HEATR5A: variants seen among roughly 807,000 people sequenced by gnomAD.
HEATR5A encodes HEAT repeat-containing protein 5A.
In HEATR5A, 178 loss-of-function variants were observed where a neutral mutation model predicts 218.8. That is an observed-to-expected ratio of 0.81 (90% CI 0.72 to 0.92). The LOEUF is 0.92. Ranked by LOEUF, HEATR5A falls within the 40% of genes least tolerant of loss-of-function variation. The pLI is 0.00. For synonymous variants in HEATR5A, 864 were observed against 871.6 expected (o/e 0.99, Z 0.15); for missense variants, 2,420 against 2,418.9 (o/e 1.00, Z -0.01).
chr14:31,328,496 G>C (rs1253622102), intron 22 of HEATR5A, among the ~76,000 whole-genome samples: 1 of 152,050 alleles, frequency 6.6e-6, no homozygotes, highest in Non-Finnish European at 1.5e-5. Context: ...GATTTTCTTA[G>C]GTGTGTGATC....
chr14:31,383,486 A>T lies in HEATR5A; in HGVS notation c.1596+35T>A, dbSNP rs1393483355. The T allele has an allele frequency of 1.9e-6, 3 of 1,560,280 alleles. No individual in the cohort carries two copies. The African/African-American group carries it at 4.1e-5, about 21-fold the overall frequency. On this transcript the variant is annotated intron_variant, in intron 10 of 35. Transcript: ENST00000543095. Reference sequence around the variant, plus strand: ...TGTGAAGATACTTCTAACAAAAAGCACCTCATTATCATACATAGAGAATGA... The same window carrying T: ...TGTGAAGATACTTCTAACAAAAAGCTCCTCATTATCATACATAGAGAATGA...
chr14:31,398,422 T>C (rs948541541), intron 4 of HEATR5A, among the ~76,000 whole-genome samples: 5 of 152,198 alleles, frequency 3.3e-5, no homozygotes, highest in African/African-American at 9.6e-5. Flanking sequence ...GGACTGTAAG[T>C]GGAATACGTT....
At position 31,388,867 on chromosome 14, in the gene HEATR5A, T is replaced by C. The variant is rs191067821; in HGVS notation, c.911A>G (p.Asp304Gly). The change falls in exon 7 of 36, where the codon GAT becomes GGT. Residue 304 changes from aspartate (D) to glycine (G), a missense_variant. Coordinates refer to ENST00000543095, the MANE Select transcript of HEATR5A (RefSeq NM_015473.4). ...AACCTGAGTAACTCCAACTCGAACATCCCTACTGACTGAACTGGTTCCTTT... is the reference window on the plus strand; with the variant it reads ...AACCTGAGTAACTCCAACTCGAACACCCCTACTGACTGAACTGGTTCCTTT... ...MLKGTSSVSRDVRVGVTQAYV... is the reference protein window; with the variant it reads ...MLKGTSSVSRGVRVGVTQAYV... 830 of 1,613,862 alleles carry C rather than the reference T, an allele frequency of 5.1e-4. 5 individuals are homozygous for C. The Middle Eastern group carries it at 0.012, about 23-fold the overall frequency.
chr14:31,304,061 T>A (rs368589506), intron 32 of HEATR5A, among the ~76,000 whole-genome samples: 145 of 151,586 alleles, frequency 9.6e-4, no homozygotes, highest in Middle Eastern at 3.4e-3. Flanking sequence ...AAAAAAAAAA[T>A]TAGCCAGGTA....
rs141295172 is a variant in HEATR5A, at chr14:31,352,309, T to C, written c.2412-1592A>G. Among the ~76,000 whole-genome samples the C allele has an allele frequency of 4.5e-3, 692 of 152,298 alleles. 2 individuals carry two copies. Among genetic ancestry groups the C allele is most frequent in the Non-Finnish European group, 5.3e-3 (358 of 68,030 alleles). On this transcript the variant is annotated intron_variant, in intron 16 of 35. Coordinates refer to ENST00000543095, the MANE Select transcript of HEATR5A (RefSeq NM_015473.4). ...TCTCCCTAATATCTTGTGTTTGGCA[T>C]GTAGTAGGCAGTCAGGTGTGCTTAT... is the stretch of plus-strand genomic sequence containing the variant.
chr14:31,359,114 G>A, intron 14 of HEATR5A, 57 bp from the exon 15 acceptor site: 1 of 1,527,050 alleles, frequency 6.5e-7, no homozygotes. Flanking sequence ...TGAGAGTATG[G>A]GATTTAAAAC....
chr14:31,414,741 G>A (rs2031389892), intron 1 of HEATR5A, among the ~76,000 whole-genome samples: 1 of 152,134 alleles, frequency 6.6e-6, no homozygotes, highest in Non-Finnish European at 1.5e-5. Flanking sequence ...AATTGTTCAT[G>A]TCTCTTACAT....
chr14:31,391,876 C>T (rs781700544), intron 6 of HEATR5A, among the ~76,000 whole-genome samples: 2 of 152,116 alleles, frequency 1.3e-5, no homozygotes, highest in Non-Finnish European at 2.9e-5. Context: ...TACCATATAG[C>T]CTAGTGTGCA....
intron 21 of HEATR5A, among the ~76,000 whole-genome samples, chr14:31,341,346 C>A (rs1259243644): frequency 6.6e-6 from 1 of 151,448 alleles, no homozygotes; most frequent in East Asian, 1.9e-4. Flanking sequence ...TAAATATGTA[C>A]CCTTTTTTGA....
intron 4 of HEATR5A, among the ~76,000 whole-genome samples, chr14:31,396,649 C>T (rs2030665522): frequency 1.3e-5 from 2 of 152,086 alleles, no homozygotes; most frequent in South Asian, 4.1e-4. Flanking sequence ...CATAGGTGAA[C>T]ATAATAAAAT....
Position 31,307,918 on chromosome 14 carries a change from G to A in HEATR5A, c.4793C>T (p.Pro1598Leu). 1.2e-6 allele frequency: 2 copies of A among 1,613,396 alleles called. No homozygotes were observed. The highest frequency in any genetic ancestry group is 1.7e-6 in the Non-Finnish European group (2 of 1,179,730). Residue 1598 changes from proline (P) to leucine (L), a missense_variant, in exon 30 of 36, where the codon CCC (proline) becomes CTC (leucine). Coordinates refer to ENST00000543095, the MANE Select transcript of HEATR5A (RefSeq NM_015473.4). Reference sequence around the variant, plus strand: ...CTGATCACTGCCAATTTTTGATCTGGGCCAAGGTACATCTAGAAGTGCTTG... The same window carrying A: ...CTGATCACTGCCAATTTTTGATCTGAGCCAAGGTACATCTAGAAGTGCTTG... ...ALQALLDVPWPRSKIGSDQDL... is the reference protein window; with the variant it reads ...ALQALLDVPWLRSKIGSDQDL...
In HEATR5A at chr14:31,400,859, A is replaced by C. The variant is rs1310537133; in HGVS notation, c.127-347T>G. On this transcript the variant is annotated intron_variant, in intron 2 of 35. Coordinates refer to ENST00000543095, the MANE Select transcript of HEATR5A (RefSeq NM_015473.4). ...TATTATTATTGTTTTTTTTTTTTTG[A>C]GATGGAGTCTCGCTCTGTCGCCCAG... Among the ~76,000 whole-genome samples, 43 of 133,166 alleles carry C rather than the reference A, an allele frequency of 3.2e-4. 1 individual carries two copies. The highest frequency in any genetic ancestry group is 1.2e-3 in the African/African-American group (42 of 35,812). The allele number at this position is 133,166 out of a possible 152,430, so 87.4% of individuals were successfully genotyped here.
intron 28 of HEATR5A, 93 bp from the exon 29 acceptor site, chr14:31,309,275 C>T (rs372983963): frequency 1.4e-5 from 20 of 1,388,926 alleles, no homozygotes; most frequent in African/African-American, 5.7e-5. Context: ...TCCATCACTC[C>T]GAAAGTTCCC....
intron 1 of HEATR5A, among the ~76,000 whole-genome samples, chr14:31,407,650 T>TG (rs1484369908): frequency 2.0e-5 from 2 of 99,664 alleles, no homozygotes; most frequent in East Asian, 5.2e-4. Flanking sequence ...ATTTTGGAGA[T>TG]GGAGTTTCAC....
intron 13 of HEATR5A, among the ~76,000 whole-genome samples, chr14:31,369,318 A>C (rs1199121990): frequency 6.6e-6 from 1 of 151,788 alleles, no homozygotes; most frequent in African/African-American, 2.4e-5. Flanking sequence ...CCTGTCTCAC[A>C]AACAAGAAAA....
chr14:31,420,141 T>A (rs1257090489), intron 1 of HEATR5A: 4 of 152,142 alleles, frequency 2.6e-5, no homozygotes, highest in Non-Finnish European at 5.9e-5. Flanking sequence ...GCGGGCAGAG[T>A]CCACGCCTAC....
At position 31,302,331 on chromosome 14, in the gene HEATR5A, T is replaced by C; in HGVS notation, c.5428A>G (p.Ser1810Gly). 6.2e-7 allele frequency: 1 copy of C among 1,602,900 alleles called. No individual in the cohort carries two copies. Among genetic ancestry groups the C allele is most frequent in the South Asian group, 1.1e-5 (1 of 88,826 alleles). Residue 1810 changes from serine (S) to glycine (G), a missense_variant, in exon 33 of 36, where the codon AGT becomes GGT. By Grantham distance (56) the Ser-to-Gly change is moderately conservative. Coordinates refer to ENST00000543095, the MANE Select transcript of HEATR5A (RefSeq NM_015473.4). ...SRTAWTDLLR[S>G]ALTTILDCWD... is the part of the protein sequence containing the mutation. Reference sequence around the variant, plus strand: ...CAGTCAAGAATTGTTGTTAAGGCACTTCGGAGAAGGTCAGTCCAAGCAGTA... The same window carrying C: ...CAGTCAAGAATTGTTGTTAAGGCACCTCGGAGAAGGTCAGTCCAAGCAGTA...
At chr14:31,388,520 G>T (rs1469715289) in intron 7 of HEATR5A, among the ~76,000 whole-genome samples, 1 of 152,130 alleles carries the variant, frequency 6.6e-6, no homozygotes, top group Non-Finnish European at 1.5e-5. Flanking sequence ...AATCTGAACT[G>T]CATGAGCACA....
At chr14:31,355,028 A>G (rs1283892920) in intron 16 of HEATR5A, among the ~76,000 whole-genome samples, 1 of 152,242 alleles carries the variant, frequency 6.6e-6, no homozygotes, top group African/African-American at 2.4e-5. Flanking sequence ...ATTTGCCTGG[A>G]TAATTCCAAT....
Sources: gnomAD v4.1 joint callset for allele counts (sites outside exome capture counted in the v4.1 genomes callset) on GRCh38, gnomAD v4.1.1 for gene constraint, MANE v1.5 for transcripts, NCBI Gene and HGNC (gene_info 2026-07-23, HGNC 2026-07-21) for gene names.